Variants in AUTS2 observed in about 807,000 individuals in gnomAD.
AUTS2 encodes the protein activator of transcription and developmental regulator AUTS2, also known as autism susceptibility gene 2 protein.
A neutral mutation model predicts 112.4 loss-of-function variants in AUTS2; 17 were observed. That is an observed-to-expected ratio of 0.15 (90% CI 0.10 to 0.23). The LOEUF (loss-of-function observed/expected upper bound fraction) is 0.23. Ranked by LOEUF, AUTS2 falls within the 10% of genes least tolerant of loss-of-function variation. AUTS2 has a pLI of 1.00. For synonymous variants in AUTS2, 751 were observed against 702.7 expected (o/e 1.07, Z -1.09); for missense variants, 1,510 against 1,701.6 (o/e 0.89, Z 1.98).
At chr7:70,293,462 TGTGAGTG>T (rs1200642998) in intron 4 of AUTS2, 1 of 152,212 alleles carries the variant, frequency 6.6e-6, no homozygotes, top group African/African-American at 2.4e-5. Context: ...ACATGGTAAA[TGTGAGTG>T]ATAAAGGAGG....
At chr7:70,647,183 C>G (rs949179713) in intron 5 of AUTS2, among the ~76,000 whole-genome samples, 2 of 152,294 alleles carry the variant, frequency 1.3e-5, no homozygotes, top group African/African-American at 4.8e-5. Flanking sequence ...TAAAGGAGCC[C>G]AAACTCAAAT....
chr7:69,670,537 G>GC (rs1173616282), intron 1 of AUTS2, among the ~76,000 whole-genome samples: 1 of 100,516 alleles, frequency 9.9e-6, no homozygotes, highest in Non-Finnish European at 1.9e-5. Context: ...TAACATGGTT[G>GC]TTTTTTACTT....
At chr7:70,093,587 G>C (rs891702968) in intron 2 of AUTS2, among the ~76,000 whole-genome samples, 1 of 152,208 alleles carries the variant, frequency 6.6e-6, no homozygotes, top group Non-Finnish European at 1.5e-5. Context: ...TAACTTAGAA[G>C]TGGAGAGAAA....
At chr7:69,887,776 A>T (rs1361667798) in intron 1 of AUTS2, among the ~76,000 whole-genome samples, 2 of 152,192 alleles carry the variant, frequency 1.3e-5, no homozygotes. Flanking sequence ...TTTTTCTGTG[A>T]ATAGTGAGGT....
At chr7:69,947,539 T>A (rs575134090) in intron 2 of AUTS2, among the ~76,000 whole-genome samples, 2 of 152,210 alleles carry the variant, frequency 1.3e-5, no homozygotes, top group Non-Finnish European at 2.9e-5. Flanking sequence ...AAAAGTAGTA[T>A]GTCTAAGTTT....
intron 1 of AUTS2, among the ~76,000 whole-genome samples, chr7:69,619,533 A>G (rs1221696465): frequency 2.6e-5 from 4 of 152,168 alleles, no homozygotes; most frequent in African/African-American, 4.8e-5. Flanking sequence ...AAGATGTACA[A>G]ATAAGATGTG....
chr7:70,157,196 C>A (rs1305480216), intron 4 of AUTS2, among the ~76,000 whole-genome samples: 1 of 151,964 alleles, frequency 6.6e-6, no homozygotes, highest in Admixed American at 6.6e-5. Context: ...ACTGTTCCAG[C>A]TTTTCATCAC....
intron 2 of AUTS2, among the ~76,000 whole-genome samples, chr7:69,994,617 G>C (rs1322029137): frequency 6.6e-6 from 1 of 152,144 alleles, no homozygotes; most frequent in African/African-American, 2.4e-5. Context: ...GAGAATTTCA[G>C]TGGGATTATA....
chr7:69,960,114 A>G (rs1797370885), intron 2 of AUTS2, among the ~76,000 whole-genome samples: 1 of 152,068 alleles, frequency 6.6e-6, no homozygotes. Context: ...TCTCTTTTCA[A>G]CTAGAGTTCA....
chr7:69,746,004 G>C lies in AUTS2; in HGVS notation c.309+146042G>C, dbSNP rs186939142. 2.4e-3 allele frequency among the ~76,000 whole-genome samples: 369 copies of C among 152,106 alleles called. 1 individual carries two copies. Among genetic ancestry groups the C allele is most frequent in the African/African-American group, 8.4e-3 (349 of 41,490 alleles). ...TCCTCCTGCCTCAACTTCTTGAGTG[G>C]CTGAAACTACAGGCGTGCCTCGCTA... On this transcript the variant is annotated intron_variant, in intron 1 of 18. Transcript: ENST00000342771.
chr7:69,939,616 A>G (rs1796546077), intron 2 of AUTS2, among the ~76,000 whole-genome samples: 1 of 152,194 alleles, frequency 6.6e-6, no homozygotes, highest in African/African-American at 2.4e-5. Flanking sequence ...GTTGATGAAT[A>G]TTTGATGAGG....
At chr7:69,839,614 ACAAGAAAACC>A in intron 1 of AUTS2, among the ~76,000 whole-genome samples, 1 of 152,304 alleles carries the variant, frequency 6.6e-6, no homozygotes, top group Middle Eastern at 3.4e-3. Context: ...TTAGAGAGTT[ACAAGAAAACC>A]CAAGATCTCC....
chr7:69,611,217 T>C (rs1380830626), intron 1 of AUTS2, among the ~76,000 whole-genome samples: 2 of 152,230 alleles, frequency 1.3e-5, no homozygotes, highest in Non-Finnish European at 2.9e-5. Context: ...GTTTTTGTGC[T>C]CTCTGACTCC....
chr7:70,385,049 C>T (rs541667291), intron 4 of AUTS2, among the ~76,000 whole-genome samples: 8 of 152,280 alleles, frequency 5.3e-5, no homozygotes, highest in Admixed American at 3.9e-4. Context: ...TTAGTTTACA[C>T]GAGTTTCCAT....
intron 2 of AUTS2, among the ~76,000 whole-genome samples, chr7:69,935,355 G>A (rs1304294976): frequency 6.6e-6 from 1 of 152,124 alleles, no homozygotes; most frequent in Non-Finnish European, 1.5e-5. Flanking sequence ...GGTTTTGAAG[G>A]CTACTGGCAA....
chr7:69,883,222 T>G (rs1794132244), intron 1 of AUTS2, among the ~76,000 whole-genome samples: 2 of 151,884 alleles, frequency 1.3e-5, no homozygotes, highest in Non-Finnish European at 2.9e-5. Context: ...AGCAACTGAT[T>G]AAGGAGCCAG....
chr7:69,704,021 T>C (rs568729227), intron 1 of AUTS2, among the ~76,000 whole-genome samples: 5 of 152,286 alleles, frequency 3.3e-5, no homozygotes, highest in Non-Finnish European at 5.9e-5. Flanking sequence ...AGCTTTACCT[T>C]GACTCCATCC....
chr7:70,160,926 A>C (rs1285006004), intron 4 of AUTS2, among the ~76,000 whole-genome samples: 1 of 152,184 alleles, frequency 6.6e-6, no homozygotes, highest in Non-Finnish European at 1.5e-5. Flanking sequence ...ACATTTGTGG[A>C]AGGGAATGAT....
At chr7:70,782,502 T>G (rs1043633965) in intron 15 of AUTS2, 1 of 152,220 alleles carries the variant, frequency 6.6e-6, no homozygotes, top group African/African-American at 2.4e-5. Flanking sequence ...CTGTAAGGAC[T>G]GTGTGTGTGC....
Sources: allele counts gnomAD v4.1 joint callset (sites outside exome capture counted in the v4.1 genomes callset), GRCh38; gene constraint gnomAD v4.1.1; transcripts MANE v1.5; gene names NCBI Gene and HGNC (gene_info 2026-07-23, HGNC 2026-07-21).